Variants in STPG2 observed in about 807,000 individuals in gnomAD.
STPG2 encodes the protein sperm tail PG-rich repeat containing 2, also known as sperm-tail PG-rich repeat-containing protein 2.
Under a neutral mutation model 54.2 loss-of-function variants are expected in STPG2, and 56 were observed. The observed-to-expected ratio is 1.03, with a 90% CI of 0.83 to 1.29. STPG2 has a LOEUF of 1.29. Ranked by LOEUF, STPG2 falls within the 50% of genes most tolerant of loss-of-function variation. STPG2 has a pLI of 0.00. For missense variants in STPG2, 596 were observed against 544.9 expected (o/e 1.09, Z -0.93); for synonymous variants, 200 against 181.8 (o/e 1.10, Z -0.81).
intron 4 of STPG2, among the ~76,000 whole-genome samples, chr4:97,521,163 T>C (rs1294120150): frequency 2.6e-5 from 4 of 152,080 alleles, no homozygotes; most frequent in Non-Finnish European, 4.4e-5. Flanking sequence ...AAATATTCCA[T>C]GATCATTCCA....
intron 8 of STPG2, among the ~76,000 whole-genome samples, chr4:97,923,779 C>T (rs1480107183): frequency 1.3e-5 from 2 of 152,144 alleles, no homozygotes; most frequent in African/African-American, 2.4e-5. Context: ...GGTTTGTAAA[C>T]CAATCAACAC....
At chr4:97,931,292 T>C (rs566983602) in intron 8 of STPG2, among the ~76,000 whole-genome samples, 1 of 152,334 alleles carries the variant, frequency 6.6e-6, no homozygotes, top group African/African-American at 2.4e-5. Context: ...CCAGCTTTTG[T>C]GCAATCAGTA....
intron 9 of STPG2, among the ~76,000 whole-genome samples, chr4:97,829,278 G>C (rs1407324186): frequency 2.0e-5 from 3 of 152,184 alleles, no homozygotes; most frequent in African/African-American, 7.2e-5. Context: ...ACCTGCAGCA[G>C]AGTGGCCTGT....
intron 4 of STPG2, among the ~76,000 whole-genome samples, chr4:97,518,623 T>G (rs1731122058): frequency 6.6e-6 from 1 of 152,118 alleles, no homozygotes; most frequent in Non-Finnish European, 1.5e-5. Flanking sequence ...TGTATTAATG[T>G]AAATTGGTAA....
At chr4:97,593,262 G>C (rs1733191878) in intron 10 of STPG2, among the ~76,000 whole-genome samples, 1 of 152,058 alleles carries the variant, frequency 6.6e-6, no homozygotes, top group Admixed American at 6.5e-5. Context: ...TCCCACAGTA[G>C]CCTCCTCATG....
At chr4:97,731,934 C>G (rs1210295020) in intron 9 of STPG2, among the ~76,000 whole-genome samples, 1 of 152,196 alleles carries the variant, frequency 6.6e-6, no homozygotes, top group Non-Finnish European at 1.5e-5. Flanking sequence ...GGCCAAAATG[C>G]TCCCATGCCT....
chr4:97,482,747 A>G (rs1364125984), intron 4 of STPG2, among the ~76,000 whole-genome samples: 1 of 151,660 alleles, frequency 6.6e-6, no homozygotes, highest in Non-Finnish European at 1.5e-5. Flanking sequence ...TCACCTAGGT[A>G]CACTGTCATC....
chr4:97,742,555 G>GTATATA (rs1452135506), intron 9 of STPG2, among the ~76,000 whole-genome samples: 2 of 80,474 alleles, frequency 2.5e-5, no homozygotes, highest in Admixed American at 1.4e-4. Context: ...GTGTGTGTGT[G>GTATATA]TGTGTGTGTG....
intron 5 of STPG2, among the ~76,000 whole-genome samples, chr4:98,101,865 TC>T (rs34686297): frequency 0.012 from 1,767 of 145,948 alleles, 29 homozygotes; most frequent in South Asian, 0.028. Flanking sequence ...TTCATTATCT[TC>T]CCCCTCCCCC....
chr4:97,648,182 T>C (rs936868298), intron 10 of STPG2, among the ~76,000 whole-genome samples: 2 of 152,094 alleles, frequency 1.3e-5, no homozygotes, highest in Non-Finnish European at 2.9e-5. Context: ...TCAACAGATA[T>C]AGACATATTT....
chr4:97,770,697 T>C (rs1356656231), intron 9 of STPG2, among the ~76,000 whole-genome samples: 1 of 152,124 alleles, frequency 6.6e-6, no homozygotes, highest in Non-Finnish European at 1.5e-5. Flanking sequence ...CTGGATGTAT[T>C]TTGAAGATAG....
chr4:97,601,014 AG>A (rs1427835014), intron 10 of STPG2, among the ~76,000 whole-genome samples: 1 of 152,072 alleles, frequency 6.6e-6, no homozygotes, highest in African/African-American at 2.4e-5. Flanking sequence ...AGAAGGGAAA[AG>A]ATGATGTGAA....
At chr4:97,587,776 G>A (rs947899199) in intron 10 of STPG2, among the ~76,000 whole-genome samples, 3 of 151,862 alleles carry the variant, frequency 2.0e-5, no homozygotes, top group Non-Finnish European at 4.4e-5. Context: ...ATATTAAAAT[G>A]GATTAGTGTT....
chr4:97,781,919 G>A (rs1449490478), intron 9 of STPG2, among the ~76,000 whole-genome samples: 3 of 152,152 alleles, frequency 2.0e-5, no homozygotes, highest in Non-Finnish European at 4.4e-5. Context: ...ATTAGGTATT[G>A]ATAGGCCGTA....
intron 4 of STPG2, among the ~76,000 whole-genome samples, chr4:97,529,569 C>G (rs1017097136): frequency 1.3e-5 from 2 of 152,146 alleles, no homozygotes; most frequent in African/African-American, 4.8e-5. Context: ...AGCATCTCCT[C>G]TTTGCATGTC....
intron 4 of STPG2, among the ~76,000 whole-genome samples, chr4:97,496,954 TAATC>T (rs1190844806): frequency 1.3e-5 from 2 of 150,386 alleles, no homozygotes; most frequent in Non-Finnish European, 3.0e-5. Context: ...CTATTAAAAA[TAATC>T]AATTTTCCTG....
intron 5 of STPG2, among the ~76,000 whole-genome samples, chr4:98,056,674 C>T (rs1737495554): frequency 1.3e-5 from 2 of 151,696 alleles, no homozygotes; most frequent in African/African-American, 4.8e-5. Flanking sequence ...TATAGTTTGG[C>T]TCTGTGTGCC....
At chr4:97,604,321 T>C (rs1457003626) in intron 10 of STPG2, among the ~76,000 whole-genome samples, 1 of 151,730 alleles carries the variant, frequency 6.6e-6, no homozygotes, top group Non-Finnish European at 1.5e-5. Context: ...CTTTAATAAT[T>C]GGCATTTAAA....
At chr4:97,585,368 T>C (rs534646344) in intron 10 of STPG2, among the ~76,000 whole-genome samples, 11 of 152,028 alleles carry the variant, frequency 7.2e-5, no homozygotes, top group African/African-American at 2.6e-4. Flanking sequence ...CACTGCCAGA[T>C]CCAAAACTTC....
Sources: allele counts gnomAD v4.1 joint callset (sites outside exome capture counted in the v4.1 genomes callset), GRCh38; gene constraint gnomAD v4.1.1; transcripts MANE v1.5; gene names NCBI Gene and HGNC (gene_info 2026-07-23, HGNC 2026-07-21).